TNRC6A: variants seen among roughly 807,000 people sequenced by gnomAD.
TNRC6A encodes the protein trinucleotide repeat-containing gene 6A protein.
TNRC6A carries 44 observed loss-of-function variants against 221.2 expected under a neutral mutation model. The observed-to-expected ratio is 0.20, with a 90% CI of 0.16 to 0.26. The LOEUF (loss-of-function observed/expected upper bound fraction) is 0.26. Among genes scored for constraint, TNRC6A ranks in the 10% least tolerant of loss-of-function variants. The pLI, the probability that TNRC6A is intolerant of heterozygous loss-of-function variation, is 1.00. For synonymous variants in TNRC6A, 847 were observed against 838.5 expected (o/e 1.01, Z -0.18); for missense variants, 2,199 against 2,404.4 (o/e 0.91, Z 1.79).
chr16:24,633,799 T>C (rs1303510422), intron 1 of TNRC6A, among the ~76,000 whole-genome samples: 2 of 136,220 alleles, frequency 1.5e-5, no homozygotes, highest in Admixed American at 7.3e-5. Flanking sequence ...TTTTTTTTTT[T>C]CGAGACGAAG....
At chr16:24,648,498 C>T (rs936184993) in intron 2 of TNRC6A, among the ~76,000 whole-genome samples, 1 of 151,880 alleles carries the variant, frequency 6.6e-6, no homozygotes, top group African/African-American at 2.4e-5. Flanking sequence ...TCTCGATCTC[C>T]TGACCTCATG....
chr16:24,714,168 T>C (rs2056265613), intron 2 of TNRC6A, among the ~76,000 whole-genome samples: 1 of 152,174 alleles, frequency 6.6e-6, no homozygotes, highest in Non-Finnish European at 1.5e-5. Flanking sequence ...TATAGGTTGT[T>C]CCACAGCTCA....
intron 9 of TNRC6A, 136 bp downstream of exon 9, chr16:24,796,075 T>C (rs533637988): frequency 2.7e-5 from 25 of 927,992 alleles, no homozygotes; most frequent in South Asian, 1.1e-4. Context: ...CACTAAGATA[T>C]GAGTTTCACC....
At chr16:24,661,772 C>T (rs915898837) in intron 2 of TNRC6A, 7 of 152,182 alleles carry the variant, frequency 4.6e-5, no homozygotes, top group African/African-American at 1.7e-4. Flanking sequence ...CTTTACCATA[C>T]TCTTATTGAG....
intron 1 of TNRC6A, among the ~76,000 whole-genome samples, chr16:24,625,682 C>A (rs1388307311): frequency 1.4e-5 from 2 of 145,954 alleles, no homozygotes; most frequent in Non-Finnish European, 3.0e-5. Context: ...GCCGAGATTG[C>A]GCCACTGCAG....
chr16:24,649,646 T>G (rs532419329), intron 2 of TNRC6A, among the ~76,000 whole-genome samples: 2 of 152,074 alleles, frequency 1.3e-5, no homozygotes, highest in Admixed American at 6.6e-5. Context: ...TAAGAACACT[T>G]AATATCTACT....
chr16:24,759,997 A>G (rs920296906), intron 4 of TNRC6A, among the ~76,000 whole-genome samples: 1 of 151,746 alleles, frequency 6.6e-6, no homozygotes, highest in African/African-American at 2.4e-5. Context: ...AGTTGTCCCT[A>G]TTTGTTCTTG....
intron 7 of TNRC6A, 132 bp downstream of exon 7, chr16:24,793,781 T>TA: frequency 1.2e-6 from 1 of 829,100 alleles, no homozygotes; most frequent in Non-Finnish European, 1.6e-6. Flanking sequence ...TAGATGATGT[T>TA]CAGTATTTTG....
chr16:24,717,770 C>CTTTTTTTTTTTTTTTT (rs71383705), intron 2 of TNRC6A, among the ~76,000 whole-genome samples: 10 of 107,346 alleles, frequency 9.3e-5, no homozygotes, highest in Non-Finnish European at 1.7e-4. Flanking sequence ...TTTTTTTTTT[C>CTTTTTTTTTTTTTTTT]TTTTTTTTTT....
In TNRC6A at chr16:24,791,644, T is replaced by C; in HGVS notation, c.3002T>C (p.Ile1001Thr). Reference protein sequence around the residue: ...SPESIRRKMEIDDGTSAWGDP... With the variant: ...SPESIRRKMETDDGTSAWGDP... ...GAATCTATACGTCGCAAAATGGAGA[T>C]TGATGATGGAACTTCAGCTTGGGGA... The change falls in exon 6 of 25, where the codon ATT (isoleucine) becomes ACT (threonine). Residue 1001 changes from isoleucine (I) to threonine (T), a missense_variant. Transcript: ENST00000395799. 3 of 1,611,638 alleles carry C rather than the reference T, an allele frequency of 1.9e-6. No individual in the cohort carries two copies. The highest frequency in any genetic ancestry group is 2.2e-5 in the East Asian group (1 of 44,816).
At chr16:24,745,583 G>A (rs894919014) in intron 2 of TNRC6A, among the ~76,000 whole-genome samples, 17 of 152,208 alleles carry the variant, frequency 1.1e-4, no homozygotes, top group Non-Finnish European at 1.9e-4. Context: ...TGATAGGCTA[G>A]TTGGGCCCTC....
chr16:24,780,008 G>T (rs1160544646), intron 5 of TNRC6A, among the ~76,000 whole-genome samples: 1 of 151,896 alleles, frequency 6.6e-6, no homozygotes, highest in Non-Finnish European at 1.5e-5. Flanking sequence ...TGACCACTTA[G>T]ACCCCAAAGA....
In TNRC6A at chr16:24,820,118, AT is replaced by A. The variant is rs751442727; in HGVS notation, c.5081-15del. 3.1e-6 allele frequency: 5 copies of A among 1,606,314 alleles called. No homozygotes were observed. The highest frequency in any genetic ancestry group is 4.3e-6 in the Non-Finnish European group (5 of 1,173,340). On this transcript the variant is annotated intron_variant, in intron 21 of 24. Transcript: ENST00000395799. Reference sequence around the variant, plus strand: ...CTTAAACATTATTCCTCCCCTCTCCATTTTTTCCCCCTTTGAGTAGCCAGAA... The same window carrying A: ...CTTAAACATTATTCCTCCCCTCTCCATTTTTCCCCCTTTGAGTAGCCAGAA...
chr16:24,821,758 G>A (rs187391248), intron 22 of TNRC6A: 7 of 351,444 alleles, frequency 2.0e-5, no homozygotes, highest in Non-Finnish European at 2.6e-5. Context: ...TTCCCCAGAT[G>A]GTACCGTTTG....
rs377464614 is a variant in TNRC6A, at chr16:24,779,528, A to G, written c.589+2170A>G. ...AGTGAAGGCCTCTTATGAGTTAGGTATCTCCAGCTCCTACCAAGTTATTAA... is the reference window on the plus strand; with the variant it reads ...AGTGAAGGCCTCTTATGAGTTAGGTGTCTCCAGCTCCTACCAAGTTATTAA... On this transcript the variant is annotated intron_variant, in intron 5 of 24. Transcript: ENST00000395799. Among the ~76,000 whole-genome samples, 7 of 152,202 alleles carry G rather than the reference A, an allele frequency of 4.6e-5. No individual in the cohort carries two copies. The East Asian group carries it at 1.3e-3, about 29-fold the overall frequency.
chr16:24,803,775 C>G, intron 11 of TNRC6A: 1 of 178,180 alleles, frequency 5.6e-6, no homozygotes. Context: ...GTGGTACACT[C>G]CTGTAATCCC....
intron 7 of TNRC6A, 49 bp from the exon 8 acceptor site, chr16:24,794,495 A>C: frequency 6.4e-7 from 1 of 1,567,020 alleles, no homozygotes; most frequent in South Asian, 1.2e-5. Flanking sequence ...TCCAGAAGGA[A>C]TTCTTTTATT....
At chr16:24,669,748 C>T (rs1234458371) in intron 2 of TNRC6A, among the ~76,000 whole-genome samples, 2 of 151,742 alleles carry the variant, frequency 1.3e-5, no homozygotes, top group African/African-American at 2.4e-5. Context: ...ATGGTGCTGG[C>T]AGGAGGAGGA....
chr16:24,703,822 G>T lies in TNRC6A; in HGVS notation n.403-46904G>T, dbSNP rs544821734. On this transcript the variant is annotated intron_variant and non_coding_transcript_variant, in intron 2 of 2. Coordinates refer to the TNRC6A transcript ENST00000566108. The stretch of plus-strand genomic sequence containing the variant: ...TTTTTGGCCGGGCGTGGTGGCTCAC[G>T]CCTGTAATCCCAGCACTTTGGGAGG... 5.3e-5 allele frequency among the ~76,000 whole-genome samples: 8 copies of T among 151,986 alleles called. No individual in the cohort carries two copies. The East Asian group carries it at 1.4e-3, about 26-fold the overall frequency.
Sources: gnomAD v4.1 joint callset for allele counts (sites outside exome capture counted in the v4.1 genomes callset) on GRCh38, gnomAD v4.1.1 for gene constraint, MANE v1.5 for transcripts, NCBI Gene and HGNC (gene_info 2026-07-23, HGNC 2026-07-21) for gene names.